The following INTS6 variants were observed in gnomAD, a reference collection of about 807,000 sequenced individuals.
The protein encoded by INTS6 is integrator complex subunit 6.
Under a neutral mutation model 104.9 loss-of-function variants are expected in INTS6, and 16 were observed. The ratio of observed to expected loss-of-function variants is 0.15; its 90% confidence interval spans 0.10 to 0.23. INTS6 has a LOEUF of 0.23. Among genes scored for constraint, INTS6 ranks in the 10% least tolerant of loss-of-function variants. The probability of loss-of-function intolerance (pLI) is 1.00; values close to 1 mark genes in which losing one functional copy is unlikely to be tolerated. For missense variants in INTS6, 584 were observed against 1,062.8 expected (o/e 0.55, Z 6.26); for synonymous variants, 324 against 358.7 (o/e 0.90, Z 1.09).
the INTS6 span, chr13:51,344,467 G>T: frequency 6.3e-7 from 1 of 1,590,736 alleles, no homozygotes; most frequent in Admixed American, 1.8e-5. Flanking sequence ...TAGCGAAGGG[G>T]CCTCCAGAGA....
Position 51,376,106 on chromosome 13 carries a change from T to C in INTS6, c.1671A>G (p.Thr557=). 1.2e-6 allele frequency: 2 copies of C among 1,612,172 alleles called. No individual in the cohort carries two copies. Among genetic ancestry groups the C allele is most frequent in the Middle Eastern group, 1.8e-4 (1 of 5,578 alleles). ...IPRRNLLDHL[T]RMRSNLLKST... Reference sequence around the variant, plus strand: ...TCTTCAAAAGATTAGATCTCATTCTTGTTAAGTGATCCAAAAGATTTCGTC... The same window carrying C: ...TCTTCAAAAGATTAGATCTCATTCTCGTTAAGTGATCCAAAAGATTTCGTC... Residue 557 remains threonine (T), a synonymous_variant, in exon 13 of 18, where the codon ACA becomes ACG. Coordinates refer to ENST00000311234, the MANE Select transcript of INTS6 (RefSeq NM_012141.3).
intron 16 of INTS6, among the ~76,000 whole-genome samples, chr13:51,368,304 T>C (rs1484003358): frequency 1.3e-5 from 2 of 152,102 alleles, no homozygotes; most frequent in Non-Finnish European, 2.9e-5. Flanking sequence ...AAGAGTGTTA[T>C]TTCAGTTTAA....
At position 51,364,012 on chromosome 13, in the gene INTS6, G is replaced by T; in HGVS notation, c.*1740C>A. On this transcript the variant is annotated 3_prime_UTR_variant, in exon 18 of 18. Transcript: ENST00000311234. Reference sequence around the variant, plus strand: ...TCTGAATGACTTCTAATTCCTCCTAGTAATTCCAGAATCTAAATATATATA... The same window carrying T: ...TCTGAATGACTTCTAATTCCTCCTATTAATTCCAGAATCTAAATATATATA... 3.2e-6 allele frequency: 1 copy of T among 315,408 alleles called. No homozygotes were observed. Among genetic ancestry groups the T allele is most frequent in the East Asian group, 5.0e-5 (1 of 20,060 alleles). The allele number at this position is 315,408 out of a possible 1,614,324, so 19.5% of individuals were successfully genotyped here. A position where few individuals can be genotyped will look rare whatever the true frequency, so the allele number is the denominator to read the frequency against.
rs944793408 is a variant in INTS6 at position 51,452,338 on chromosome 13, C to T, written c.111+77G>A. 2 of 1,277,912 alleles carry T rather than the reference C, an allele frequency of 1.6e-6. No individual in the cohort carries two copies. Among genetic ancestry groups the T allele is most frequent in the African/African-American group, 1.6e-5 (1 of 62,532 alleles). 79.2% of individuals were successfully genotyped at this position (1,277,912 alleles called of 1,614,324 possible). Reference sequence around the variant, plus strand: ...CGCAGTCAGGTCCCCGACACCCCCGCCCCGGCCGCCCTCCCCCACCCTGCC... The same window carrying T: ...CGCAGTCAGGTCCCCGACACCCCCGTCCCGGCCGCCCTCCCCCACCCTGCC... On this transcript the variant is annotated intron_variant, in intron 1 of 17. Coordinates refer to ENST00000311234, the MANE Select transcript of INTS6 (RefSeq NM_012141.3). The surrounding 1 kb of genome is among the most constrained non-coding windows in gnomAD (Gnocchi z 4.2).
chr13:51,336,241 A>T, the INTS6 span, among the ~76,000 whole-genome samples: 1,666 of 152,302 alleles, frequency 0.011, 85 homozygotes, highest in East Asian at 0.15. Flanking sequence ...TAATCCCAGC[A>T]CTTTGGGAGA....
intron 3 of INTS6, chr13:51,450,157 G>C: frequency 1.0e-6 from 1 of 984,832 alleles, no homozygotes; most frequent in South Asian, 4.7e-5. Flanking sequence ...ATTAGGAATA[G>C]TGCTTTTCAC....
chr13:51,357,452 G>A (rs1465247850), downstream of INTS6, among the ~76,000 whole-genome samples: 1 of 152,102 alleles, frequency 6.6e-6, no homozygotes, highest in Non-Finnish European at 1.5e-5. Flanking sequence ...CAGTTTACGA[G>A]GGATTACCAA....
At chr13:51,346,921 C>A in the INTS6 span, 1 of 776,860 alleles carries the variant, frequency 1.3e-6, no homozygotes, top group Non-Finnish European at 2.2e-6. Flanking sequence ...AAAAGACCTG[C>A]ATTTTCGCAT....
chr13:51,375,476 T>TAA (rs35989339), intron 13 of INTS6, among the ~76,000 whole-genome samples: 38,652 of 146,264 alleles, frequency 0.26, 5,460 homozygotes, highest in East Asian at 0.42. Flanking sequence ...TACAGTATGG[T>TAA]AAAAAAAAAA....
intron 15 of INTS6, among the ~76,000 whole-genome samples, chr13:51,371,210 G>C (rs1197531815): frequency 1.3e-5 from 2 of 152,190 alleles, no homozygotes; most frequent in African/African-American, 4.8e-5. Context: ...GGTGACTTCA[G>C]TGTTTAAGCA....
chr13:51,371,715 T>C (rs1955808982), intron 15 of INTS6, among the ~76,000 whole-genome samples: 2 of 151,984 alleles, frequency 1.3e-5, no homozygotes, highest in South Asian at 4.2e-4. Flanking sequence ...CCCACAGAGA[T>C]TGTTAAACTC....
intron 12 of INTS6, among the ~76,000 whole-genome samples, chr13:51,377,243 T>C (rs1955951870): frequency 1.3e-5 from 2 of 152,158 alleles, no homozygotes; most frequent in African/African-American, 2.4e-5. Context: ...TTGAGTTATA[T>C]GAATTCTTTA....
chr13:51,403,605 G>GAAAAAAAAAAT (rs1555287296), intron 4 of INTS6, among the ~76,000 whole-genome samples: 1 of 111,300 alleles, frequency 9.0e-6, no homozygotes. Context: ...AAAAAAAAAA[G>GAAAAAAAAAAT]AAAAAAAAAA....
intron 3 of INTS6, among the ~76,000 whole-genome samples, 164 bp from the exon 4 acceptor site, chr13:51,430,547 T>C (rs1357445967): frequency 6.6e-6 from 1 of 152,132 alleles, no homozygotes; most frequent in Non-Finnish European, 1.5e-5. Context: ...GAACGACACA[T>C]AAACTAAACA....
chr13:51,448,072 A>T (rs1469541194), intron 3 of INTS6: 3 of 152,170 alleles, frequency 2.0e-5, no homozygotes, highest in Non-Finnish European at 4.4e-5. Flanking sequence ...AAAAATATAC[A>T]TATATATTGA....
At chr13:51,434,384 T>C (rs1957148637) in intron 3 of INTS6, among the ~76,000 whole-genome samples, 1 of 152,122 alleles carries the variant, frequency 6.6e-6, no homozygotes, top group Non-Finnish European at 1.5e-5. Context: ...ATAAGTTCTT[T>C]AGTGACTTTA....
At chr13:51,360,807 T>C (rs1955562835), downstream of INTS6, among the ~76,000 whole-genome samples, 1 of 152,040 alleles carries the variant, frequency 6.6e-6, no homozygotes, top group African/African-American at 2.4e-5. Context: ...AAAGTGGCTC[T>C]TAAAGTGCAG....
the INTS6 span, chr13:51,340,812 G>C: frequency 3.8e-6 from 2 of 522,686 alleles, no homozygotes; most frequent in Non-Finnish European, 6.9e-6. Context: ...CATCCAGTAA[G>C]TGGCCGAAGC....
intron 6 of INTS6, among the ~76,000 whole-genome samples, chr13:51,388,102 A>G (rs1457376371): frequency 1.3e-5 from 2 of 152,244 alleles, no homozygotes; most frequent in African/African-American, 4.8e-5. Flanking sequence ...CAATCCAGTA[A>G]ACATTTACTA....
Sources: gnomAD v4.1 joint callset for allele counts (sites outside exome capture counted in the v4.1 genomes callset) on GRCh38, gnomAD v4.1.1 for gene constraint, Gnocchi (gnomAD v3.1) non-coding constraint, MANE v1.5 for transcripts, NCBI Gene and HGNC (gene_info 2026-07-23, HGNC 2026-07-21) for gene names.